Variants in HIPK2 observed in about 807,000 individuals in gnomAD.
The protein encoded by HIPK2 is homeodomain-interacting protein kinase 2.
HIPK2 carries 27 observed loss-of-function variants against 113.7 expected under a neutral mutation model. The ratio of observed to expected loss-of-function variants is 0.24; its 90% CI spans 0.17 to 0.33. The LOEUF is 0.33. HIPK2 is among the 10% of genes least tolerant of loss of function. HIPK2 has a pLI of 1.00. For synonymous variants in HIPK2, 631 were observed against 642.2 expected (o/e 0.98, Z 0.26); for missense variants, 1,257 against 1,588.0 (o/e 0.79, Z 3.54).
intron 1 of HIPK2, among the ~76,000 whole-genome samples, chr7:139,754,993 G>C (rs759030080): frequency 2.0e-5 from 3 of 152,152 alleles, no homozygotes; most frequent in Non-Finnish European, 2.9e-5. Context: ...ACATGCATTG[G>C]GTGATCTTTC....
chr7:139,653,497 C>A (rs1031285643), intron 2 of HIPK2, among the ~76,000 whole-genome samples: 1 of 150,768 alleles, frequency 6.6e-6, no homozygotes, highest in Non-Finnish European at 1.5e-5. Flanking sequence ...CCATGGACCT[C>A]GGGAAGGAGG....
At chr7:139,675,841 A>G (rs926812776) in intron 2 of HIPK2, among the ~76,000 whole-genome samples, 3 of 152,178 alleles carry the variant, frequency 2.0e-5, no homozygotes, top group South Asian at 2.1e-4. Context: ...CAACGCTTAG[A>G]TAAGACTCAA....
At chr7:139,763,559 C>A (rs1225781459) in intron 1 of HIPK2, among the ~76,000 whole-genome samples, 1 of 145,478 alleles carries the variant, frequency 6.9e-6, no homozygotes, top group Admixed American at 7.0e-5. Context: ...GTAACGGCGG[C>A]AGAGACCAGA....
At chr7:139,663,329 C>T (rs1801931080) in intron 2 of HIPK2, among the ~76,000 whole-genome samples, 2 of 152,212 alleles carry the variant, frequency 1.3e-5, no homozygotes, top group African/African-American at 4.8e-5. Flanking sequence ...AGCTTTCTTC[C>T]TAACTAGGAA....
intron 12 of HIPK2, among the ~76,000 whole-genome samples, chr7:139,587,734 T>G (rs937848514): frequency 3.3e-5 from 5 of 151,534 alleles, no homozygotes; most frequent in Admixed American, 6.6e-5. Flanking sequence ...AAACATTAGC[T>G]AGGCATGGTG....
chr7:139,747,365 CACCTTCCTAG>C, intron 1 of HIPK2, among the ~76,000 whole-genome samples: 1 of 152,200 alleles, frequency 6.6e-6, no homozygotes, highest in African/African-American at 2.4e-5. Flanking sequence ...TGGACGTTCC[CACCTTCCTAG>C]CGTTGGGACT....
chr7:139,590,100 C>T (rs1400431184), intron 12 of HIPK2, among the ~76,000 whole-genome samples: 1 of 152,158 alleles, frequency 6.6e-6, no homozygotes, highest in East Asian at 1.9e-4. Flanking sequence ...ATTCTTTAGG[C>T]TCGTATCTAT....
chr7:139,738,570 CGT>C (rs1182231277), intron 1 of HIPK2, among the ~76,000 whole-genome samples: 1 of 152,162 alleles, frequency 6.6e-6, no homozygotes, highest in Non-Finnish European at 1.5e-5. Context: ...AACGATCATT[CGT>C]GTGTCTGTAT....
chr7:139,774,824 T>C (rs1038427515), intron 1 of HIPK2, among the ~76,000 whole-genome samples: 1 of 152,232 alleles, frequency 6.6e-6, no homozygotes, highest in African/African-American at 2.4e-5. Context: ...GGCAAATGTT[T>C]AACCTTCTAA....
At chr7:139,661,100 A>G (rs1801853852) in intron 2 of HIPK2, among the ~76,000 whole-genome samples, 1 of 152,138 alleles carries the variant, frequency 6.6e-6, no homozygotes, top group Non-Finnish European at 1.5e-5. Context: ...TCCTTGGTAT[A>G]AATACTGCTT....
intron 2 of HIPK2, among the ~76,000 whole-genome samples, chr7:139,684,681 C>G (rs1432293456): frequency 6.6e-6 from 1 of 152,166 alleles, no homozygotes. Flanking sequence ...TGCACCAATG[C>G]ACTCCAGCCT....
At chr7:139,637,354 C>T (rs1299828411) in intron 2 of HIPK2, among the ~76,000 whole-genome samples, 1 of 152,260 alleles carries the variant, frequency 6.6e-6, no homozygotes, top group Non-Finnish European at 1.5e-5. Context: ...CTGCCCACCT[C>T]TCCACCATCA....
chr7:139,630,580 T>C lies in HIPK2; in HGVS notation c.1347+585A>G, dbSNP rs1800574386. Among the ~76,000 whole-genome samples, 1 of 152,164 alleles carries C rather than the reference T, an allele frequency of 6.6e-6. No individual in the cohort carries two copies. Among genetic ancestry groups the C allele is most frequent in the Non-Finnish European group, 1.5e-5 (1 of 68,046 alleles). ...GCCCAGCTAATTTTTATACTTTTAG[T>C]AGAGACGGGGTTTCACCATGTTGGC... On this transcript the variant is annotated intron_variant, in intron 4 of 14. Coordinates refer to ENST00000406875, the MANE Select transcript of HIPK2 (RefSeq NM_022740.5). This position sits in a 1 kb window ranked among gnomAD's most constrained non-coding sequence, Gnocchi z 4.0.
chr7:139,680,661 C>G (rs1233737800), intron 2 of HIPK2, among the ~76,000 whole-genome samples: 1 of 152,214 alleles, frequency 6.6e-6, no homozygotes, highest in Non-Finnish European at 1.5e-5. Context: ...TTAAGATCGG[C>G]CAACAGCCTT....
intron 1 of HIPK2, among the ~76,000 whole-genome samples, chr7:139,734,962 A>T (rs1795896876): frequency 6.6e-6 from 1 of 152,232 alleles, no homozygotes; most frequent in Non-Finnish European, 1.5e-5. Flanking sequence ...AAATGACGTA[A>T]AATGTAATTA....
At chr7:139,580,020 G>A (rs1027714188) in intron 13 of HIPK2, among the ~76,000 whole-genome samples, 9 of 152,280 alleles carry the variant, frequency 5.9e-5, no homozygotes, top group East Asian at 1.9e-4. Flanking sequence ...CAAAACCTGA[G>A]GGATGGAGGG....
At chr7:139,574,419 C>T (rs1168973863) in intron 14 of HIPK2, among the ~76,000 whole-genome samples, 1 of 152,158 alleles carries the variant, frequency 6.6e-6, no homozygotes, top group Non-Finnish European at 1.5e-5. Flanking sequence ...GTTTGAAGTT[C>T]TGTCAGTCCA....
chr7:139,747,996 T>C (rs1195309229), intron 1 of HIPK2, among the ~76,000 whole-genome samples: 1 of 152,162 alleles, frequency 6.6e-6, no homozygotes, highest in African/African-American at 2.4e-5. Flanking sequence ...GCAGAGCTGT[T>C]CTAGATGGTG....
At chr7:139,584,210 G>T in intron 12 of HIPK2, 146 bp from the exon 13 acceptor site, 6 of 1,096,478 alleles carry the variant, frequency 5.5e-6, no homozygotes, top group Non-Finnish European at 7.7e-6. Flanking sequence ...CCCATAGGGA[G>T]ACTGGGCATG....
Sources: allele counts gnomAD v4.1 joint callset (sites outside exome capture counted in the v4.1 genomes callset), GRCh38; gene constraint gnomAD v4.1.1; non-coding constraint Gnocchi (gnomAD v3.1); transcripts MANE v1.5; gene names NCBI Gene and HGNC (gene_info 2026-07-23, HGNC 2026-07-21).